The following NAALADL2 variants were observed in gnomAD, a reference collection of about 807,000 sequenced individuals.
NAALADL2 encodes N-acetylated alpha-linked acidic dipeptidase like 2, also known as inactive N-acetylated-alpha-linked acidic dipeptidase-like protein 2.
NAALADL2 carries 76 observed loss-of-function variants against 87.2 expected under a neutral mutation model. The ratio of observed to expected loss-of-function variants is 0.87; its 90% CI spans 0.72 to 1.05. The LOEUF (loss-of-function observed/expected upper bound fraction) is 1.05. Ranked by LOEUF, NAALADL2 falls within the 50% of genes least tolerant of loss-of-function variation. The probability of loss-of-function intolerance (pLI) is 0.00; values close to 1 mark genes in which losing one functional copy is unlikely to be tolerated. For missense variants in NAALADL2, 1,089 were observed against 945.8 expected (o/e 1.15, Z -1.99); for synonymous variants, 354 against 331.0 (o/e 1.07, Z -0.75).
chr3:174,499,926 G>A (rs1022751374), intron 1 of NAALADL2, among the ~76,000 whole-genome samples: 5 of 151,794 alleles, frequency 3.3e-5, no homozygotes, highest in Non-Finnish European at 5.9e-5. Context: ...GGATTTCTGC[G>A]TGAATTTTAG....
chr3:175,019,880 T>A (rs1008215741), intron 1 of NAALADL2, among the ~76,000 whole-genome samples: 2 of 152,102 alleles, frequency 1.3e-5, no homozygotes, highest in Admixed American at 1.3e-4. Flanking sequence ...AGTGTCAGCC[T>A]GAGATATCTG....
intron 3 of NAALADL2, among the ~76,000 whole-genome samples, chr3:175,249,783 A>G (rs1748677432): frequency 6.6e-6 from 1 of 152,138 alleles, no homozygotes; most frequent in African/African-American, 2.4e-5. Context: ...CATTGATCCT[A>G]GACCCTCTAG....
At chr3:174,645,104 A>G (rs925874045) in intron 2 of NAALADL2, among the ~76,000 whole-genome samples, 1 of 152,178 alleles carries the variant, frequency 6.6e-6, no homozygotes, top group South Asian at 2.1e-4. Flanking sequence ...CAGAGAAAAC[A>G]GCTCCCGGTC....
At chr3:175,258,340 A>AAG (rs1560246040) in intron 4 of NAALADL2, among the ~76,000 whole-genome samples, 19 of 150,172 alleles carry the variant, frequency 1.3e-4, no homozygotes, top group Admixed American at 4.0e-4. Flanking sequence ...AAAAAAAAAA[A>AAG]AAAGAAAGAA....
intron 1 of NAALADL2, among the ~76,000 whole-genome samples, chr3:174,983,927 T>TA (rs1745468372): frequency 6.6e-6 from 1 of 151,962 alleles, no homozygotes; most frequent in Admixed American, 6.6e-5. Context: ...ATACACAAAA[T>TA]AAAAAACTTG....
chr3:175,357,955 G>C (rs1764574600), intron 5 of NAALADL2, among the ~76,000 whole-genome samples: 1 of 152,258 alleles, frequency 6.6e-6, no homozygotes, highest in East Asian at 1.9e-4. Flanking sequence ...CACTGGCAAA[G>C]GTGGGGAGGT....
intron 2 of NAALADL2, among the ~76,000 whole-genome samples, chr3:175,168,804 G>T (rs755867594): frequency 6.6e-6 from 1 of 151,750 alleles, no homozygotes; most frequent in African/African-American, 2.4e-5. Flanking sequence ...GACAGTTTGT[G>T]TTACTTATTG....
chr3:174,716,273 A>C (rs16863606), intron 2 of NAALADL2, among the ~76,000 whole-genome samples: 32,324 of 151,986 alleles, frequency 0.21, 3,732 homozygotes, highest in East Asian at 0.41. Flanking sequence ...AGATCAGCCA[A>C]CTAACCAGAT....
chr3:175,385,643 A>G (rs1374035530), intron 5 of NAALADL2, among the ~76,000 whole-genome samples: 1 of 152,194 alleles, frequency 6.6e-6, no homozygotes, highest in Non-Finnish European at 1.5e-5. Context: ...TATCTCTAGC[A>G]TAAAGAAAAG....
chr3:175,481,470 T>G (rs2149319913), intron 9 of NAALADL2, among the ~76,000 whole-genome samples: 1 of 151,772 alleles, frequency 6.6e-6, no homozygotes, highest in South Asian at 2.1e-4. Context: ...GCACCATAAA[T>G]TGATAGGTAT....
chr3:175,408,911 A>C (rs1025606477), intron 5 of NAALADL2, among the ~76,000 whole-genome samples: 1 of 151,996 alleles, frequency 6.6e-6, no homozygotes, highest in South Asian at 2.1e-4. Flanking sequence ...TTTTAATAGA[A>C]TCTTAGTACA....
chr3:174,541,223 A>G (rs1722191414), intron 1 of NAALADL2, among the ~76,000 whole-genome samples: 1 of 152,304 alleles, frequency 6.6e-6, no homozygotes, highest in South Asian at 2.1e-4. Flanking sequence ...CACACTTCAC[A>G]TTCAATTTAA....
intron 2 of NAALADL2, among the ~76,000 whole-genome samples, chr3:175,228,071 A>G (rs906239586): frequency 2.0e-5 from 3 of 151,874 alleles, no homozygotes; most frequent in African/African-American, 7.2e-5. Flanking sequence ...CTTTGTTATC[A>G]TCTTTTAGTA....
At chr3:175,440,859 G>A (rs1015978431) in intron 5 of NAALADL2, among the ~76,000 whole-genome samples, 11 of 152,084 alleles carry the variant, frequency 7.2e-5, no homozygotes, top group African/African-American at 2.7e-4. Flanking sequence ...CTTTTTAACA[G>A]TTTGGATGTC....
intron 3 of NAALADL2, among the ~76,000 whole-genome samples, chr3:175,240,548 T>A (rs978896029): frequency 6.6e-6 from 1 of 152,222 alleles, no homozygotes; most frequent in Non-Finnish European, 1.5e-5. Context: ...ATCAGTGAGC[T>A]AGAGAAGTGG....
chr3:175,061,562 G>A (rs1224077083), intron 1 of NAALADL2, among the ~76,000 whole-genome samples: 2 of 151,950 alleles, frequency 1.3e-5, no homozygotes, highest in Admixed American at 1.3e-4. Context: ...TTCCATGGAT[G>A]GGGAGGGAGA....
chr3:174,613,620 T>TG (rs555401037), intron 2 of NAALADL2, among the ~76,000 whole-genome samples: 65 of 152,152 alleles, frequency 4.3e-4, no homozygotes, highest in Non-Finnish European at 7.9e-4. Flanking sequence ...CTGAAGTCCC[T>TG]GGGGCTCTTC....
At chr3:174,920,551 A>G (rs536181101) in intron 1 of NAALADL2, among the ~76,000 whole-genome samples, 45 of 152,344 alleles carry the variant, frequency 3.0e-4, no homozygotes, top group African/African-American at 9.9e-4. Context: ...GATTTGGACT[A>G]AGGGAATGCT....
At chr3:174,816,418 G>GCA (rs3040105) in intron 3 of NAALADL2, among the ~76,000 whole-genome samples, 1 of 113,334 alleles carries the variant, frequency 8.8e-6, no homozygotes, top group African/African-American at 3.1e-5. Flanking sequence ...GTGTGCGTGT[G>GCA]TGTGTGTGTG....
Sources: gnomAD v4.1 joint callset for allele counts (sites outside exome capture counted in the v4.1 genomes callset) on GRCh38, gnomAD v4.1.1 for gene constraint, MANE v1.5 for transcripts, NCBI Gene and HGNC (gene_info 2026-07-23, HGNC 2026-07-21) for gene names.